ADAMTS19: variants seen among roughly 807,000 people sequenced by gnomAD.
ADAMTS19 encodes the protein ADAM metallopeptidase with thrombospondin type 1 motif 19.
Under a neutral mutation model 153.3 loss-of-function variants are expected in ADAMTS19, and 93 were observed. The observed-to-expected ratio is 0.61, with a 90% CI of 0.51 to 0.72. The LOEUF (loss-of-function observed/expected upper bound fraction) is 0.72. Among genes scored for constraint, ADAMTS19 ranks in the 30% least tolerant of loss-of-function variants. The pLI, the probability that ADAMTS19 is intolerant of heterozygous loss-of-function variation, is 0.00. For synonymous variants in ADAMTS19, 600 were observed against 556.6 expected (o/e 1.08, Z -1.10); for missense variants, 1,482 against 1,552.1 (o/e 0.95, Z 0.76).
intron 18 of ADAMTS19, among the ~76,000 whole-genome samples, chr5:129,693,700 AG>A (rs141775373): frequency 0.015 from 2,221 of 152,298 alleles, 31 homozygotes; most frequent in Non-Finnish European, 0.022. Context: ...ACTCCTGTAA[AG>A]GAAGTGTGCT....
Position 129,545,782 on chromosome 5 carries a change from T to C in ADAMTS19, c.1329-6082T>C, listed in dbSNP as rs552440805. On this transcript the variant is annotated intron_variant, in intron 6 of 22. Transcript: ENST00000274487. ...GAGAAATAAGAACACTTTTACACTG[T>C]TGGTGGGACTGTAAACTAGTTCAAC... Among the ~76,000 whole-genome samples, 226 of 150,956 alleles carry C rather than the reference T, an allele frequency of 1.5e-3. 1 individual carries two copies. The highest frequency in any genetic ancestry group is 5.0e-3 in the South Asian group (24 of 4,822).
intron 13 of ADAMTS19, among the ~76,000 whole-genome samples, chr5:129,650,277 G>A (rs1223070057): frequency 1.3e-5 from 2 of 152,174 alleles, no homozygotes; most frequent in Non-Finnish European, 2.9e-5. Context: ...CATTGGTTAT[G>A]ATGCCACTAG....
intron 2 of ADAMTS19, among the ~76,000 whole-genome samples, chr5:129,508,359 C>A (rs1294234313): frequency 6.6e-6 from 1 of 151,774 alleles, no homozygotes; most frequent in East Asian, 1.9e-4. Flanking sequence ...AATTTATATT[C>A]TAGAAAAGGA....
intron 3 of ADAMTS19, among the ~76,000 whole-genome samples, chr5:129,525,496 T>C (rs767210578): frequency 6.6e-6 from 1 of 152,076 alleles, no homozygotes; most frequent in African/African-American, 2.4e-5. Context: ...AATTAGACTG[T>C]CATTGATTTA....
chr5:129,625,728 A>G (rs1451866445), intron 10 of ADAMTS19, among the ~76,000 whole-genome samples: 2 of 152,060 alleles, frequency 1.3e-5, no homozygotes, highest in Non-Finnish European at 2.9e-5. Context: ...AGTTCTTTGT[A>G]GATTCTGGAT....
intron 21 of ADAMTS19, among the ~76,000 whole-genome samples, chr5:129,710,372 T>C (rs1756388503): frequency 6.6e-6 from 1 of 152,208 alleles, no homozygotes. Context: ...CAGTCTATCA[T>C]TGATGGGCAT....
At chr5:129,603,512 C>T (rs555984502) in intron 8 of ADAMTS19, among the ~76,000 whole-genome samples, 24 of 152,082 alleles carry the variant, frequency 1.6e-4, no homozygotes, top group Middle Eastern at 3.4e-3. Flanking sequence ...ATTCCATTTG[C>T]GTTGTGGATT....
chr5:129,643,195 A>G (rs1476689247), intron 11 of ADAMTS19, among the ~76,000 whole-genome samples: 2 of 151,702 alleles, frequency 1.3e-5, no homozygotes, highest in Non-Finnish European at 2.9e-5. Context: ...ACAAGTATAT[A>G]TTTTCAAACT....
intron 8 of ADAMTS19, among the ~76,000 whole-genome samples, chr5:129,601,607 TA>T (rs1750652956): frequency 6.6e-6 from 1 of 152,130 alleles, no homozygotes; most frequent in Non-Finnish European, 1.5e-5. Flanking sequence ...GGATATAGAT[TA>T]AAAGCATCAA....
At chr5:129,557,226 C>A (rs1429889841) in intron 7 of ADAMTS19, among the ~76,000 whole-genome samples, 1 of 152,134 alleles carries the variant, frequency 6.6e-6, no homozygotes, top group African/African-American at 2.4e-5. Flanking sequence ...TTATAGTTAA[C>A]TATTTCTAGC....
At chr5:129,608,116 G>GTGTGTGTGTGTGTGTATATATA (rs377008786) in intron 8 of ADAMTS19, among the ~76,000 whole-genome samples, 3 of 47,926 alleles carry the variant, frequency 6.3e-5, no homozygotes, top group Non-Finnish European at 9.9e-5. Context: ...GTGTGTGTGT[G>GTGTGTGTGTGTGTGTATATATA]TATATATATA....
intron 2 of ADAMTS19, among the ~76,000 whole-genome samples, chr5:129,487,050 A>G (rs1340486735): frequency 6.6e-6 from 1 of 152,174 alleles, no homozygotes; most frequent in Non-Finnish European, 1.5e-5. Context: ...AGCTTTCTAC[A>G]TGTGAAATTT....
intron 10 of ADAMTS19, among the ~76,000 whole-genome samples, chr5:129,625,744 A>C (rs1481573602): frequency 6.6e-6 from 1 of 151,902 alleles, no homozygotes; most frequent in African/African-American, 2.4e-5. Flanking sequence ...TGGATATTAT[A>C]CCTTTGTCAG....
chr5:129,584,302 C>T (rs1014744366), intron 7 of ADAMTS19, among the ~76,000 whole-genome samples: 1 of 152,136 alleles, frequency 6.6e-6, no homozygotes, highest in Non-Finnish European at 1.5e-5. Flanking sequence ...CAGATACCAG[C>T]CAGAACTCTC....
chr5:129,547,778 T>A (rs1752916447), intron 6 of ADAMTS19, among the ~76,000 whole-genome samples: 1 of 150,546 alleles, frequency 6.6e-6, no homozygotes, highest in South Asian at 2.1e-4. Flanking sequence ...CAAACTACAC[T>A]ACAAGGCTAC....
At chr5:129,669,563 C>A (rs191953162) in intron 16 of ADAMTS19, among the ~76,000 whole-genome samples, 1 of 152,062 alleles carries the variant, frequency 6.6e-6, no homozygotes. Context: ...AAAGAACTAT[C>A]TTTTGTTTTG....
chr5:129,526,960 C>T (rs189325926), intron 4 of ADAMTS19, among the ~76,000 whole-genome samples: 6 of 151,658 alleles, frequency 4.0e-5, no homozygotes, highest in East Asian at 3.9e-4. Flanking sequence ...AATTATGATG[C>T]GATATAAAAA....
At chr5:129,714,581 A>G (rs1442789823) in intron 21 of ADAMTS19, among the ~76,000 whole-genome samples, 1 of 152,214 alleles carries the variant, frequency 6.6e-6, no homozygotes, top group African/African-American at 2.4e-5. Context: ...GGAGTGAGGG[A>G]TATCAGGGGG....
chr5:129,606,432 C>T (rs1016692180), intron 8 of ADAMTS19, among the ~76,000 whole-genome samples: 10 of 152,198 alleles, frequency 6.6e-5, no homozygotes, highest in Non-Finnish European at 1.0e-4. Flanking sequence ...ATTCATTCTT[C>T]GTCCGAGAAA....
Sources: gnomAD v4.1 joint callset for allele counts (sites outside exome capture counted in the v4.1 genomes callset) on GRCh38, gnomAD v4.1.1 for gene constraint, MANE v1.5 for transcripts, NCBI Gene and HGNC (gene_info 2026-07-23, HGNC 2026-07-21) for gene names.